DAGLA: variants seen among roughly 807,000 people sequenced by gnomAD.
DAGLA encodes diacylglycerol lipase-alpha.
DAGLA carries 22 observed loss-of-function variants against 102.6 expected under a neutral mutation model. The observed-to-expected ratio is 0.21, with a 90% CI of 0.15 to 0.31. The LOEUF is 0.31. Among genes scored for constraint, DAGLA ranks in the 10% least tolerant of loss-of-function variants. The probability of loss-of-function intolerance (pLI) is 1.00; values close to 1 mark genes in which losing one functional copy is unlikely to be tolerated. For synonymous variants in DAGLA, 578 were observed against 628.9 expected, an observed-to-expected ratio of 0.92 and a Z score of 1.21; for missense variants, 927 against 1,446.6, an observed-to-expected ratio of 0.64 and a Z score of 5.83.
intron 1 of DAGLA, among the ~76,000 whole-genome samples, chr11:61,682,696 T>C (rs890555408): frequency 8.5e-5 from 13 of 152,144 alleles, no homozygotes; most frequent in Non-Finnish European, 1.8e-4. Flanking sequence ...GAATTTCCTT[T>C]GGCTCTGGGT....
chr11:61,685,576 T>C (rs2064980714), intron 1 of DAGLA, among the ~76,000 whole-genome samples: 1 of 152,192 alleles, frequency 6.6e-6, no homozygotes. Context: ...GGCATGCAGA[T>C]GAGGTGGTCA....
At position 61,743,610 on chromosome 11, in the gene DAGLA, C is replaced by G. The variant is rs1198082442; in HGVS notation, c.2250C>G (p.Ala750=). ...RLLSPVVAAA[A]RQDPVELLLL... is the part of the protein sequence containing the mutation. ...TGTCGCCAGTGGTTGCGGCGGCGGC[C>G]CGCCAGGACCCGGTGGAGCTGCTGC... Residue 750 remains alanine, a synonymous_variant, in exon 20 of 20, where the codon GCC becomes GCG. Coordinates refer to ENST00000257215, the MANE Select transcript of DAGLA (RefSeq NM_006133.3). The G allele has an allele frequency of 6.3e-7, 1 of 1,578,896 alleles. No homozygotes were observed. Among genetic ancestry groups the G allele is most frequent in the African/African-American group, 1.3e-5 (1 of 74,216 alleles).
At chr11:61,702,956 GCC>G (rs1227687883) in intron 1 of DAGLA, among the ~76,000 whole-genome samples, 2 of 152,222 alleles carry the variant, frequency 1.3e-5, no homozygotes, top group Non-Finnish European at 2.9e-5. Flanking sequence ...GTCGTTGGTA[GCC>G]AGTGAAGTTG....
Position 61,740,535 on chromosome 11 carries a change from C to T in DAGLA, c.1926C>T (p.Ile642=), listed in dbSNP as rs2065468718. 1.2e-6 allele frequency: 2 copies of T among 1,613,920 alleles called. No individual in the cohort carries two copies. The highest frequency in any genetic ancestry group is 4.5e-5 in the East Asian group (2 of 44,876). The change falls in exon 18 of 20, where the codon ATC becomes ATT. Residue 642 remains isoleucine, a synonymous_variant. Transcript: ENST00000257215. Reference sequence around the variant, plus strand: ...ACAAGGCCTTCAATGAGGTGATCATCTCGCCAGCCATGCTGCATGAGCACC... The same window carrying T: ...ACAAGGCCTTCAATGAGGTGATCATTTCGCCAGCCATGCTGCATGAGCACC... ...GDNKAFNEVI[I]SPAMLHEHLP...
chr11:61,734,571 C>G lies in DAGLA; in HGVS notation c.975-278C>G, dbSNP rs900002877. 6.6e-6 allele frequency among the ~76,000 whole-genome samples: 1 copy of G among 152,094 alleles called. No homozygotes were observed. Among genetic ancestry groups the G allele is most frequent in the Non-Finnish European group, 1.5e-5 (1 of 68,002 alleles). Reference sequence around the variant, plus strand: ...TGTTGGGTGCATCGCTGAGTAGGCCCTGCCCGGAGGGGAGATCCCAGAGAG... The same window carrying G: ...TGTTGGGTGCATCGCTGAGTAGGCCGTGCCCGGAGGGGAGATCCCAGAGAG... On this transcript the variant is annotated intron_variant, in intron 9 of 19. Coordinates refer to ENST00000257215, the MANE Select transcript of DAGLA (RefSeq NM_006133.3). The surrounding 1 kb of genome is among the most constrained non-coding windows in gnomAD (Gnocchi z 4.2).
At chr11:61,698,364 A>G (rs1283670649) in intron 1 of DAGLA, among the ~76,000 whole-genome samples, 1 of 152,226 alleles carries the variant, frequency 6.6e-6, no homozygotes, top group Non-Finnish European at 1.5e-5. Context: ...TTCTCCAAAC[A>G]TCTTGCTCAC....
intron 1 of DAGLA, among the ~76,000 whole-genome samples, chr11:61,717,745 C>T (rs1456196403): frequency 6.6e-6 from 1 of 152,176 alleles, no homozygotes; most frequent in Non-Finnish European, 1.5e-5. Context: ...CCAGCAGGGT[C>T]GGCCCCCAGG....
At chr11:61,702,480 T>C (rs1169501160) in intron 1 of DAGLA, among the ~76,000 whole-genome samples, 2 of 152,154 alleles carry the variant, frequency 1.3e-5, no homozygotes, top group African/African-American at 4.8e-5. Context: ...AAACTGAGCA[T>C]TGGGGGATGG....
At chr11:61,701,902 G>A (rs940968797) in intron 1 of DAGLA, among the ~76,000 whole-genome samples, 8 of 152,216 alleles carry the variant, frequency 5.3e-5, no homozygotes, top group African/African-American at 1.9e-4. Context: ...AGCCTCCTGA[G>A]TAGCTAGGAC....
At chr11:61,739,361 C>A in intron 16 of DAGLA, 104 bp from the exon 17 acceptor site, 1 of 1,177,106 alleles carries the variant, frequency 8.5e-7, no homozygotes, top group Non-Finnish European at 1.2e-6. Flanking sequence ...CATCTTACTG[C>A]CCACCTCTCA....
chr11:61,740,161 C>A (rs1400247782), intron 17 of DAGLA, among the ~76,000 whole-genome samples: 8 of 152,220 alleles, frequency 5.3e-5, no homozygotes, highest in African/African-American at 1.9e-4. Context: ...CCAGGGTCGG[C>A]TTCCTCCCCT....
chr11:61,716,071 T>A (rs2065233812), intron 1 of DAGLA, among the ~76,000 whole-genome samples: 1 of 152,192 alleles, frequency 6.6e-6, no homozygotes, highest in Middle Eastern at 3.4e-3. Flanking sequence ...AAGGAGCCAC[T>A]GTCTCAGCCC....
intron 5 of DAGLA, 33 bp downstream of exon 5, chr11:61,723,605 G>A (rs746671636): frequency 3.9e-5 from 63 of 1,604,364 alleles, no homozygotes; most frequent in Non-Finnish European, 4.9e-5. Flanking sequence ...CAGTCCCAGG[G>A]TGGGCTTTGC....
Position 61,712,402 on chromosome 11 carries a change from G to A in DAGLA, c.-44-7710G>A, listed in dbSNP as rs567059091. 5.9e-5 allele frequency among the ~76,000 whole-genome samples: 9 copies of A among 152,324 alleles called. No homozygotes were observed. In the South Asian group the frequency reaches 1.9e-3, roughly 32 times the overall value. ...TCCTTCCAGGCCATCCTGGGGGAGA[G>A]TGGGAAAGGCGTTTGTTAGCCTAAG... On this transcript the variant is annotated intron_variant, in intron 1 of 19. Transcript: ENST00000257215.
chr11:61,728,381 C>T, intron 7 of DAGLA, 94 bp downstream of exon 7: 1 of 1,490,464 alleles, frequency 6.7e-7, no homozygotes, highest in Non-Finnish European at 9.1e-7. Flanking sequence ...GGGCTCGGCT[C>T]CCACGCAGCT....
chr11:61,698,585 C>T (rs2065085163), intron 1 of DAGLA, among the ~76,000 whole-genome samples: 1 of 152,194 alleles, frequency 6.6e-6, no homozygotes, highest in African/African-American at 2.4e-5. Flanking sequence ...CACCTGCTTC[C>T]CTGGGGAAGC....
chr11:61,724,790 C>T (rs2065310553), intron 5 of DAGLA, among the ~76,000 whole-genome samples: 1 of 152,198 alleles, frequency 6.6e-6, no homozygotes, highest in African/African-American at 2.4e-5. Context: ...CCTGCTTGGC[C>T]AGCACACTGT....
At position 61,731,349 on chromosome 11, in the gene DAGLA, C is replaced by T; in HGVS notation, c.882C>T (p.Tyr294=). 6.2e-7 allele frequency: 1 copy of T among 1,614,138 alleles called. No homozygotes were observed. The highest frequency in any genetic ancestry group is 8.5e-7 in the Non-Finnish European group (1 of 1,180,014). ...QEMLRYKEVC[Y]YMLFALAAYG... Reference sequence around the variant, plus strand: ...TGCTCCGCTACAAAGAGGTCTGCTACTACATGCTCTTTGCCCTGGCTGCCT... The same window carrying T: ...TGCTCCGCTACAAAGAGGTCTGCTATTACATGCTCTTTGCCCTGGCTGCCT... Residue 294 remains tyrosine, a synonymous_variant, in exon 9 of 20, where the codon TAC becomes TAT. Transcript: ENST00000257215.
At chr11:61,716,643 G>A (rs1346714346) in intron 1 of DAGLA, among the ~76,000 whole-genome samples, 3 of 152,204 alleles carry the variant, frequency 2.0e-5, no homozygotes, top group Non-Finnish European at 1.5e-5. Flanking sequence ...CAGAGAGGGC[G>A]AGGCATATGC....
Sources: allele counts gnomAD v4.1 joint callset (sites outside exome capture counted in the v4.1 genomes callset), GRCh38; gene constraint gnomAD v4.1.1; non-coding constraint Gnocchi (gnomAD v3.1); transcripts MANE v1.5; gene names NCBI Gene and HGNC (gene_info 2026-07-23, HGNC 2026-07-21).